RNF128: variants seen among roughly 807,000 people sequenced by gnomAD.
RNF128 encodes the protein E3 ubiquitin-protein ligase RNF128.
Under a neutral mutation model 26.2 loss-of-function variants are expected in RNF128, and 13 were observed. The observed-to-expected ratio is 0.50, with a 90% CI of 0.32 to 0.79. The LOEUF (loss-of-function observed/expected upper bound fraction) is 0.79, where lower values mean the gene tolerates loss of function less well. RNF128 is among the 30% of genes least tolerant of loss of function. The probability of loss-of-function intolerance (pLI) is 0.03; values close to 1 mark genes in which losing one functional copy is unlikely to be tolerated. For synonymous variants in RNF128, 149 were observed against 142.5 expected, an observed-to-expected ratio of 1.05 and a Z score of -0.32; for missense variants, 315 against 349.7, an observed-to-expected ratio of 0.90 and a Z score of 0.79.
At chrX:106,694,293 A>C (rs145227979) in exon 1 of RNF128, 2 of 1,210,388 alleles carry the variant, frequency 1.7e-6, no homozygotes, top group South Asian at 3.5e-5. Context: ...TGATAGAAAG[A>C]GGTAATTGTA....
intron 5 of RNF128, among the ~76,000 whole-genome samples, chrX:106,790,674 A>G (rs1204422306): frequency 1.8e-5 from 2 of 111,239 alleles, no homozygotes; most frequent in Non-Finnish European, 1.9e-5. Flanking sequence ...AAAAAGGCCT[A>G]TTTTCAAGAT....
At chrX:106,694,863 T>C (rs767530048) in intron 1 of RNF128, among the ~76,000 whole-genome samples, 21 of 111,892 alleles carry the variant, frequency 1.9e-4, no homozygotes, top group Non-Finnish European at 3.8e-4. Flanking sequence ...TAAAATGTTA[T>C]AGAAATGAGA....
rs771764065 is a variant in RNF128, at chrX:106,744,614, C to T, written c.484+17217C>T. Among the ~76,000 whole-genome samples, 195 of 110,262 alleles carry T rather than the reference C, an allele frequency of 1.8e-3. 1 individual carries two copies. Among genetic ancestry groups the T allele is most frequent in the Non-Finnish European group, 3.2e-3 (167 of 52,859 alleles). ...AGCTAGGACAACAGGCACGTGCCAC[C>T]ATGCCCAGCTAATTTCTTGTATTTT... On this transcript the variant is annotated intron_variant, in intron 1 of 6. Transcript: ENST00000255499.
At chrX:106,780,773 A>G (rs1241818701) in intron 2 of RNF128, among the ~76,000 whole-genome samples, 4 of 112,321 alleles carry the variant, frequency 3.6e-5, no homozygotes, top group Non-Finnish European at 3.8e-5. Flanking sequence ...TGGAGAGATC[A>G]TGGGCTTTAA....
intron 1 of RNF128, among the ~76,000 whole-genome samples, chrX:106,713,041 C>T (rs1337330574): frequency 9.3e-6 from 1 of 108,062 alleles, no homozygotes; most frequent in African/African-American, 3.4e-5. Context: ...CCGCTTCGCC[C>T]ATCTAATTTT....
intron 2 of RNF128, among the ~76,000 whole-genome samples, chrX:106,784,270 G>A (rs1930613246): frequency 9.0e-6 from 1 of 111,259 alleles, no homozygotes; most frequent in South Asian, 3.8e-4. Context: ...TACATAGAGG[G>A]ACAATGTGTT....
chrX:106,790,326 C>T, intron 5 of RNF128, 44 bp downstream of exon 5: 3 of 912,188 alleles, frequency 3.3e-6, no homozygotes, highest in Non-Finnish European at 4.8e-6. Flanking sequence ...TATGCCTGGG[C>T]TTTGGAGAAA....
intron 1 of RNF128, among the ~76,000 whole-genome samples, chrX:106,768,094 A>G (rs1310785936): frequency 2.7e-5 from 3 of 111,671 alleles, no homozygotes; most frequent in African/African-American, 9.8e-5. Context: ...AAGCTTTTTG[A>G]TGTGCTGCTG....
At chrX:106,773,561 C>T (rs1242938122) in intron 2 of RNF128, among the ~76,000 whole-genome samples, 2 of 111,132 alleles carry the variant, frequency 1.8e-5, no homozygotes, top group Admixed American at 9.6e-5. Context: ...CTATAGTCAT[C>T]GCCCAAAGGT....
At chrX:106,790,987 A>G (rs751587609) in intron 5 of RNF128, 79 bp from the exon 6 acceptor site, 3 of 923,005 alleles carry the variant, frequency 3.3e-6, no homozygotes, top group East Asian at 6.3e-5. Flanking sequence ...TGAGTCACCT[A>G]TAAAGAAACT....
At chrX:106,748,747 T>C (rs980950452) in intron 1 of RNF128, among the ~76,000 whole-genome samples, 1 of 110,912 alleles carries the variant, frequency 9.0e-6, no homozygotes, top group Non-Finnish European at 1.9e-5. Flanking sequence ...AGTAGATTGG[T>C]GGTTATCGGA....
chrX:106,779,268 G>T (rs1189961922), intron 2 of RNF128, among the ~76,000 whole-genome samples: 1 of 110,009 alleles, frequency 9.1e-6, no homozygotes, highest in African/African-American at 3.3e-5. Context: ...TATATTCAAG[G>T]TGTACAACAT....
chrX:106,790,509 AATG>A (rs1930803829), intron 5 of RNF128, among the ~76,000 whole-genome samples: 1 of 110,797 alleles, frequency 9.0e-6, no homozygotes, highest in African/African-American at 3.3e-5. Context: ...CAGAATTTGA[AATG>A]ATAACCATAT....
chrX:106,716,497 A>G (rs1347998605), intron 1 of RNF128, among the ~76,000 whole-genome samples: 3 of 111,932 alleles, frequency 2.7e-5, no homozygotes, highest in Non-Finnish European at 5.6e-5. Context: ...AAACCATTCT[A>G]TATCTTGACT....
intron 1 of RNF128, among the ~76,000 whole-genome samples, chrX:106,759,004 A>G (rs1930073857): frequency 8.9e-6 from 1 of 111,870 alleles, no homozygotes; most frequent in Non-Finnish European, 1.9e-5. Flanking sequence ...GACTACCCAT[A>G]GAATGGGAGA....
chrX:106,726,630 C>T (rs1282372072), upstream of RNF128: 1 of 944,863 alleles, frequency 1.1e-6, no homozygotes, highest in East Asian at 5.3e-5. Context: ...TTTCCTCCCT[C>T]CCAGCCACCT....
rs1223922040 is a variant in RNF128, at chrX:106,785,081, A to G, written c.749A>G (p.Asp250Gly). 20 of 1,184,085 alleles carry G rather than the reference A, an allele frequency of 1.7e-5. No individual in the cohort carries two copies. Among genetic ancestry groups the G allele is most frequent in the Non-Finnish European group, 1.8e-5 (16 of 885,048 alleles). Residue 250 changes from aspartate (D) to glycine (G), a missense_variant, in exon 3 of 7, where the codon GAT (aspartate) becomes GGT (glycine). Asp to Gly is a moderately conservative substitution (Grantham distance 94). Coordinates refer to ENST00000255499, the MANE Select transcript of RNF128 (RefSeq NM_194463.2). ...TTTTTACAGAGGCAATTAAAGGCAG[A>G]TGCTAAAAAAGCTATTGGAAGGCTT... ...QSRKQRQLKA[D>G]AKKAIGRLQL...
chrX:106,788,350 T>G (rs1413094329), intron 4 of RNF128, among the ~76,000 whole-genome samples: 2 of 48,434 alleles, frequency 4.1e-5, no homozygotes, highest in Non-Finnish European at 6.7e-5. Context: ...ATAATATATA[T>G]TATATACTAT....
chrX:106,738,514 C>A (rs1175403621), intron 1 of RNF128, among the ~76,000 whole-genome samples: 2 of 111,763 alleles, frequency 1.8e-5, no homozygotes. Context: ...AGGAAGAAAT[C>A]ACATAATCAA....
Sources: allele counts gnomAD v4.1 joint callset (sites outside exome capture counted in the v4.1 genomes callset), GRCh38; gene constraint gnomAD v4.1.1; transcripts MANE v1.5; gene names NCBI Gene and HGNC (gene_info 2026-07-23, HGNC 2026-07-21).